ROBO2: variants seen among roughly 807,000 people sequenced by gnomAD.
ROBO2 encodes roundabout guidance receptor 2, also known as roundabout homolog 2.
In ROBO2, 53 loss-of-function variants were observed where a neutral mutation model predicts 160.8. The observed-to-expected ratio is 0.33, with a 90% CI of 0.26 to 0.41. The LOEUF (loss-of-function observed/expected upper bound fraction) is 0.41, where lower values mean the gene tolerates loss of function less well. Among genes scored for constraint, ROBO2 ranks in the 10% least tolerant of loss-of-function variants. The pLI, the probability that ROBO2 is intolerant of heterozygous loss-of-function variation, is 1.00. For missense variants in ROBO2, 1,577 were observed against 1,722.4 expected, an observed-to-expected ratio of 0.92 and a Z score of 1.49; for synonymous variants, 664 against 611.7, an observed-to-expected ratio of 1.09 and a Z score of -1.26.
chr3:77,043,947 C>T (rs2064357987), intron 1 of ROBO2, among the ~76,000 whole-genome samples: 1 of 152,046 alleles, frequency 6.6e-6, no homozygotes, highest in Non-Finnish European at 1.5e-5. Context: ...GAGGTTTATA[C>T]ATGTTGCTAA....
At chr3:76,539,705 C>G (rs1413180876) in intron 2 of ROBO2, among the ~76,000 whole-genome samples, 2 of 152,092 alleles carry the variant, frequency 1.3e-5, no homozygotes, top group Admixed American at 6.6e-5. Flanking sequence ...TTGCCTATTC[C>G]CATTCTTCTT....
At chr3:77,293,806 A>G (rs1444329846) in intron 2 of ROBO2, among the ~76,000 whole-genome samples, 1 of 141,400 alleles carries the variant, frequency 7.1e-6, no homozygotes, top group Non-Finnish European at 1.5e-5. Context: ...TGAGGCTAGA[A>G]CAGTAAAGAC....
chr3:77,286,255 G>GTTT, intron 2 of ROBO2, among the ~76,000 whole-genome samples: 2 of 133,180 alleles, frequency 1.5e-5, no homozygotes, highest in African/African-American at 5.9e-5. Context: ...AAATTATGGA[G>GTTT]CTTTTTTTTT....
intron 2 of ROBO2, among the ~76,000 whole-genome samples, chr3:76,989,308 T>G (rs964064155): frequency 6.6e-6 from 1 of 152,166 alleles, no homozygotes; most frequent in Admixed American, 6.5e-5. Flanking sequence ...AAAAGCTACA[T>G]AAACTGATGA....
chr3:77,490,197 T>C (rs1250882386), intron 4 of ROBO2, among the ~76,000 whole-genome samples: 1 of 148,316 alleles, frequency 6.7e-6, no homozygotes, highest in East Asian at 2.0e-4. Context: ...GCCTCCCGGG[T>C]TCACACCATT....
intron 23 of ROBO2, chr3:77,630,507 C>G (rs764643380): frequency 6.9e-6 from 1 of 144,348 alleles, no homozygotes; most frequent in Non-Finnish European, 1.5e-5. Flanking sequence ...CCCACAAAGT[C>G]CCCCCCTTGA....
Position 76,102,984 on chromosome 3 carries a change from T to C in ROBO2, c.109+165382T>C, listed in dbSNP as rs563292269. ...GGACTGCAGGCGCCGCCACCACGCC[T>C]GGATAATTTTTTGCATTTTTAGTAG... On this transcript the variant is annotated intron_variant, in intron 2 of 26. Coordinates refer to the ROBO2 transcript ENST00000487694. Among the ~76,000 whole-genome samples the C allele has an allele frequency of 5.5e-4, 84 of 152,028 alleles. 1 individual carries two copies. Among genetic ancestry groups the C allele is most frequent in the African/African-American group, 2.0e-3 (81 of 41,458 alleles).
intron 2 of ROBO2, among the ~76,000 whole-genome samples, chr3:77,266,009 C>A (rs976674097): frequency 6.6e-6 from 1 of 151,988 alleles, no homozygotes; most frequent in Non-Finnish European, 1.5e-5. Context: ...AGCTATTCTA[C>A]GTATTTGGTA....
At chr3:76,150,512 G>A (rs551588977) in intron 2 of ROBO2, among the ~76,000 whole-genome samples, 1 of 151,720 alleles carries the variant, frequency 6.6e-6, no homozygotes, top group Non-Finnish European at 1.5e-5. Flanking sequence ...ACACACATTT[G>A]TCTAAAACAC....
At chr3:77,624,518 T>C (rs1226881031) in intron 23 of ROBO2, among the ~76,000 whole-genome samples, 2 of 152,154 alleles carry the variant, frequency 1.3e-5, no homozygotes, top group East Asian at 3.9e-4. Flanking sequence ...AGACTGAATA[T>C]TAGAGAAATC....
At chr3:76,897,574 G>C (rs1307676971) in intron 2 of ROBO2, among the ~76,000 whole-genome samples, 5 of 151,898 alleles carry the variant, frequency 3.3e-5, no homozygotes, top group African/African-American at 1.2e-4. Flanking sequence ...CAAGTACTAG[G>C]GAAAAAAAGT....
intron 2 of ROBO2, among the ~76,000 whole-genome samples, chr3:76,803,366 A>AGAG (rs1352981512): frequency 1.3e-5 from 2 of 151,150 alleles, no homozygotes; most frequent in African/African-American, 2.4e-5. Context: ...GGGAGGAGGA[A>AGAG]GAGGAGGAGG....
chr3:75,928,993 G>C (rs1168179541), intron 1 of ROBO2, among the ~76,000 whole-genome samples: 1 of 148,872 alleles, frequency 6.7e-6, no homozygotes, highest in African/African-American at 2.5e-5. Context: ...GTGTGTGTGT[G>C]TGTGTGTGAT....
At chr3:77,213,195 C>A (rs532461584) in intron 2 of ROBO2, among the ~76,000 whole-genome samples, 1 of 152,252 alleles carries the variant, frequency 6.6e-6, no homozygotes, top group Admixed American at 6.5e-5. Flanking sequence ...GGCTGTGAAT[C>A]CATCTGGTTC....
intron 2 of ROBO2, among the ~76,000 whole-genome samples, chr3:76,736,758 C>T (rs549223095): frequency 6.6e-6 from 1 of 152,278 alleles, no homozygotes; most frequent in Non-Finnish European, 1.5e-5. Flanking sequence ...CATTCTGAAC[C>T]TGAAGGACAT....
exon 1 of ROBO2, chr3:77,040,210 G>A: frequency 1.0e-6 from 1 of 986,684 alleles, no homozygotes; most frequent in Non-Finnish European, 1.2e-6. Flanking sequence ...GGCCCGCCAA[G>A]TCTGCCCGCC....
intron 2 of ROBO2, among the ~76,000 whole-genome samples, chr3:76,460,957 C>T (rs546342035): frequency 1.4e-4 from 22 of 152,250 alleles, no homozygotes; most frequent in African/African-American, 5.3e-4. Context: ...AATACAGAAA[C>T]AAAGCCATGC....
intron 2 of ROBO2, among the ~76,000 whole-genome samples, chr3:77,427,662 G>A (rs538442237): frequency 7.7e-4 from 118 of 152,318 alleles, no homozygotes; most frequent in Admixed American, 1.7e-3. Flanking sequence ...GAAAATAACA[G>A]CAAGTCGTTA....
chr3:76,524,451 C>T (rs2081817384), intron 2 of ROBO2, among the ~76,000 whole-genome samples: 4 of 151,654 alleles, frequency 2.6e-5, no homozygotes, highest in Non-Finnish European at 5.9e-5. Flanking sequence ...TTAGAAGGTC[C>T]CTTATAGATA....
Sources: allele counts gnomAD v4.1 joint callset (sites outside exome capture counted in the v4.1 genomes callset), GRCh38; gene constraint gnomAD v4.1.1; transcripts MANE v1.5; gene names NCBI Gene and HGNC (gene_info 2026-07-23, HGNC 2026-07-21).